ZNF391: variants seen among roughly 807,000 people sequenced by gnomAD.
The protein encoded by ZNF391 is zinc finger protein 391.
For missense variants in ZNF391, 375 were observed against 425.5 expected, an observed-to-expected ratio of 0.88 and a Z score of 1.04; for synonymous variants, 126 against 142.1, an observed-to-expected ratio of 0.89 and a Z score of 0.80.
intron 1 of ZNF391, among the ~76,000 whole-genome samples, chr6:27,398,001 T>C (rs952487035): frequency 3.3e-5 from 5 of 152,186 alleles, no homozygotes; most frequent in Non-Finnish European, 7.3e-5. Flanking sequence ...AGCAGGGCTT[T>C]TTATCTTCCC....
chr6:27,388,579 C>T (rs1451223404), upstream of ZNF391: 6 of 295,576 alleles, frequency 2.0e-5, no homozygotes, highest in Non-Finnish European at 3.9e-5. Context: ...AGGTGGTCTT[C>T]GGCACCTCTC....
chr6:27,393,743 T>A (rs1761764994), intron 1 of ZNF391, among the ~76,000 whole-genome samples: 2 of 152,184 alleles, frequency 1.3e-5, no homozygotes, highest in Non-Finnish European at 2.9e-5. Flanking sequence ...ATGCTGATAG[T>A]GATATGGACA....
chr6:27,403,275 C>G lies in ZNF391; in HGVS notation c.*1828C>G, dbSNP rs1762017681. The G allele has an allele frequency of 6.6e-6, 1 of 152,178 alleles. No homozygotes were observed. The highest frequency in any genetic ancestry group is 2.4e-5 in the African/African-American group (1 of 41,430). 9.4% of individuals were successfully genotyped at this position (152,178 alleles called of 1,614,324 possible). Reference sequence around the variant, plus strand: ...TCAAAGATAATACATGCGGGCAGGCCTGTTTTGTCCCTACTATACCCTCTT... The same window carrying G: ...TCAAAGATAATACATGCGGGCAGGCGTGTTTTGTCCCTACTATACCCTCTT... On this transcript the variant is annotated 3_prime_UTR_variant, in exon 3 of 3. Transcript: ENST00000244576.
rs1467567129 is a variant in ZNF391 at position 27,402,571 on chromosome 6, T to G, written c.*1124T>G. 6.6e-6 allele frequency: 1 copy of G among 152,154 alleles called. No individual in the cohort carries two copies. The highest frequency in any genetic ancestry group is 2.4e-5 in the African/African-American group (1 of 41,430). The allele number at this position is 152,154 out of a possible 1,614,324, so 9.4% of individuals were successfully genotyped here. A position where few individuals can be genotyped will look rare whatever the true frequency, so the allele number is the denominator to read the frequency against. Reference sequence around the variant, plus strand: ...TAAAACTTGAGGTAGTGCAACTAGATTATACACTTCTTGAAGACAGAAATC... The same window carrying G: ...TAAAACTTGAGGTAGTGCAACTAGAGTATACACTTCTTGAAGACAGAAATC... On this transcript the variant is annotated 3_prime_UTR_variant, in exon 3 of 3. Coordinates refer to ENST00000244576, the MANE Select transcript of ZNF391 (RefSeq NM_001076781.3).
In ZNF391 at chr6:27,400,695, T is replaced by C. The variant is rs932996985; in HGVS notation, c.325T>C (p.Cys109Arg). 1.2e-6 allele frequency: 2 copies of C among 1,613,868 alleles called. No individual in the cohort carries two copies. Among genetic ancestry groups the C allele is most frequent in the Admixed American group, 3.3e-5 (2 of 59,936 alleles). ...AAGACTTTTCTCACAAAGAAAACCT[T>C]GTAAATGCAATGAATGTGAAAAAGC... ...HQRLFSQRKP[C>R]KCNECEKAFS... is the part of the protein sequence containing the mutation. The change falls in exon 3 of 3, where the codon TGT becomes CGT. Residue 109 changes from cysteine (C) to arginine (R), a missense_variant. Cys to Arg is a radical substitution (Grantham distance 180). Coordinates refer to ENST00000244576, the MANE Select transcript of ZNF391 (RefSeq NM_001076781.3).
intron 1 of ZNF391, among the ~76,000 whole-genome samples, chr6:27,392,402 T>C (rs9468114): frequency 0.71 from 108,314 of 152,042 alleles, 38,795 homozygotes; most frequent in Middle Eastern, 0.82. Context: ...ACTACAGGTG[T>C]GTGCCACCAT....
In ZNF391 at chr6:27,401,033, C is replaced by A. The variant is rs764820334; in HGVS notation, c.663C>A (p.Tyr221Ter). The change falls in exon 3 of 3, where the codon TAC becomes TAA. Residue 221 changes from tyrosine to a stop codon, truncating the protein, a stop_gained. Coordinates refer to ENST00000244576, the MANE Select transcript of ZNF391 (RefSeq NM_001076781.3). LOFTEE classifies it low-confidence loss of function (END_TRUNC). ...GAACTCATACTCAAGAAAGGCCTTA[C>A]AAATGTAATGAATGTGGGAAAGCCT... ...HQRTHTQERP[Y>*]KCNECGKAFG... is the part of the protein sequence containing the mutation. 9 of 1,614,172 alleles carry A rather than the reference C, an allele frequency of 5.6e-6. No individual in the cohort carries two copies. In the South Asian group the frequency reaches 8.8e-5, roughly 16 times the overall value.
chr6:27,391,201 C>CCTT (rs545826835), intron 1 of ZNF391: 1 of 97,278 alleles, frequency 1.0e-5, no homozygotes, highest in Non-Finnish European at 1.9e-5. Context: ...ATTCATTGTA[C>CCTT]TTTTTTTTTT....
At chr6:27,378,891 T>C (rs576305936) in intron 1 of ZNF391, among the ~76,000 whole-genome samples, 1 of 151,846 alleles carries the variant, frequency 6.6e-6, no homozygotes, top group East Asian at 1.9e-4. Context: ...ACTGTGCCAC[T>C]GCACTCTAGC....
intron 1 of ZNF391, among the ~76,000 whole-genome samples, chr6:27,379,557 C>A (rs1761466104): frequency 6.6e-6 from 1 of 152,172 alleles, no homozygotes; most frequent in South Asian, 2.1e-4. Context: ...GACATGATCT[C>A]ACTTAATGTG....
At chr6:27,384,748 T>C (rs1268849430), upstream of ZNF391, among the ~76,000 whole-genome samples, 2 of 152,162 alleles carry the variant, frequency 1.3e-5, no homozygotes, top group African/African-American at 4.8e-5. Context: ...CCAGGTGCTG[T>C]GGCTCATGCC....
chr6:27,390,598 C>T (rs62401111), intron 1 of ZNF391, among the ~76,000 whole-genome samples: 8,502 of 152,230 alleles, frequency 0.056, 356 homozygotes, highest in Non-Finnish European at 0.085. Flanking sequence ...CGCTAGACTT[C>T]CTTTTCCCAT....
In ZNF391 at chr6:27,389,071, C is replaced by T. The variant is rs1761641300; in HGVS notation, c.-192C>T. The T allele has an allele frequency of 2.2e-6, 1 of 456,276 alleles. No homozygotes were observed. The highest frequency in any genetic ancestry group is 2.0e-5 in the African/African-American group (1 of 50,046). The allele number at this position is 456,276 out of a possible 1,614,324, so 28.3% of individuals were successfully genotyped here. The stretch of plus-strand genomic sequence containing the variant: ...GAGTGAGGCTTACAGGGCCCCGGGA[C>T]CAAGGTGGGTGCTCTTAGAGGTTCT... On this transcript the variant is annotated 5_prime_UTR_variant, in exon 1 of 3. Coordinates refer to ENST00000244576, the MANE Select transcript of ZNF391 (RefSeq NM_001076781.3).
At chr6:27,396,948 A>G (rs370638098) in intron 1 of ZNF391, among the ~76,000 whole-genome samples, 59 of 152,254 alleles carry the variant, frequency 3.9e-4, no homozygotes, top group African/African-American at 1.4e-3. Flanking sequence ...CTATCCAATC[A>G]TTGTGACAAC....
intron 1 of ZNF391, among the ~76,000 whole-genome samples, chr6:27,390,369 C>G (rs755339046): frequency 6.6e-6 from 1 of 152,036 alleles, no homozygotes; most frequent in Non-Finnish European, 1.5e-5. Flanking sequence ...CATGTTGTGA[C>G]CACTTAAGAG....
Position 27,382,043 on chromosome 6 carries a change from A to AAAAAG in ZNF391, n.523+6910_523+6911insGAAAA, listed in dbSNP as rs1241540942. ...GAGCAAGACTCCATCTCAAAAAAAA[A>AAAAAG]AAAAAAAGGCCGGCTGCGTTGGCTC... is the stretch of plus-strand genomic sequence containing the variant. On this transcript the variant is annotated intron_variant and non_coding_transcript_variant, in intron 1 of 2. Coordinates refer to the ZNF391 transcript ENST00000477999. 1.3e-5 allele frequency among the ~76,000 whole-genome samples: 2 copies of AAAAAG among 150,832 alleles called. 1 individual carries two copies. Among genetic ancestry groups the AAAAAG allele is most frequent in the Admixed American group, 1.3e-4 (2 of 15,138 alleles).
At position 27,402,363 on chromosome 6, in the gene ZNF391, T is replaced by A. The variant is rs1761992540; in HGVS notation, c.*916T>A. 1 of 152,134 alleles carries A rather than the reference T, an allele frequency of 6.6e-6. No individual in the cohort carries two copies. Among genetic ancestry groups the A allele is most frequent in the Non-Finnish European group, 1.5e-5 (1 of 68,014 alleles). 9.4% of individuals were successfully genotyped at this position (152,134 alleles called of 1,614,324 possible). A position where few individuals can be genotyped will look rare whatever the true frequency, so the allele number is the denominator to read the frequency against. Reference sequence around the variant, plus strand: ...CCTATTTCTCAGTCCTTTTTCTACTTGACATTTGCAGAATTGGCACTTTTT... The same window carrying A: ...CCTATTTCTCAGTCCTTTTTCTACTAGACATTTGCAGAATTGGCACTTTTT... On this transcript the variant is annotated 3_prime_UTR_variant, in exon 3 of 3. Coordinates refer to ENST00000244576, the MANE Select transcript of ZNF391 (RefSeq NM_001076781.3).
chr6:27,401,344 G>T lies in ZNF391; in HGVS notation c.974G>T (p.Arg325Ile), dbSNP rs2113665318. 3 of 1,614,092 alleles carry T rather than the reference G, an allele frequency of 1.9e-6. No homozygotes were observed. In the South Asian group the frequency reaches 3.3e-5, roughly 18 times the overall value. Residue 325 changes from arginine to isoleucine, a missense_variant, in exon 3 of 3, where the codon AGA becomes ATA. Physicochemically the swap from Arg to Ile is moderately conservative, Grantham distance 97 (BLOSUM62 -3). Transcript: ENST00000244576. ...AGCTCATCCCTTATTATTCATCAGA[G>T]AACTCATACCGGGGAGAAGCCGTAC... Reference protein sequence around the residue: ...SRSSSLIIHQRTHTGEKPYKC... With the variant: ...SRSSSLIIHQITHTGEKPYKC...
chr6:27,400,668 C>G lies in ZNF391; in HGVS notation c.298C>G (p.Gln100Glu), dbSNP rs749952623. 5 of 1,613,974 alleles carry G rather than the reference C, an allele frequency of 3.1e-6. No homozygotes were observed. Among genetic ancestry groups the G allele is most frequent in the Middle Eastern group, 1.6e-4 (1 of 6,062 alleles). The change falls in exon 3 of 3, where the codon CAA becomes GAA. Residue 100 changes from glutamine (Q) to glutamate (E), a missense_variant. Coordinates refer to ENST00000244576, the MANE Select transcript of ZNF391 (RefSeq NM_001076781.3). ...SKDNSDLIKH[Q>E]RLFSQRKPCK... ...AGATAATTCAGACTTAATTAAACACCAAAGACTTTTCTCACAAAGAAAACC... is the reference window on the plus strand; with the variant it reads ...AGATAATTCAGACTTAATTAAACACGAAAGACTTTTCTCACAAAGAAAACC...
Sources: gnomAD v4.1 joint callset for allele counts (sites outside exome capture counted in the v4.1 genomes callset) on GRCh38, gnomAD v4.1.1 for gene constraint, MANE v1.5 for transcripts, NCBI Gene and HGNC (gene_info 2026-07-23, HGNC 2026-07-21) for gene names.